Variants in PTPRQ observed in about 807,000 individuals in gnomAD.
The protein encoded by PTPRQ is protein tyrosine phosphatase receptor type Q.
PTPRQ carries 199 observed loss-of-function variants against 246.0 expected under a neutral mutation model. The ratio of observed to expected loss-of-function variants is 0.81; its 90% CI spans 0.72 to 0.91. The LOEUF (loss-of-function observed/expected upper bound fraction) is 0.91. Ranked by LOEUF, PTPRQ falls within the 40% of genes least tolerant of loss-of-function variation. The pLI is 0.00. For synonymous variants in PTPRQ, 869 were observed against 853.2 expected, an observed-to-expected ratio of 1.02 and a Z score of -0.32; for missense variants, 2,624 against 2,528.4, an observed-to-expected ratio of 1.04 and a Z score of -0.81.
chr12:80,514,076 G>A (rs1033709477), intron 17 of PTPRQ, among the ~76,000 whole-genome samples: 1 of 152,076 alleles, frequency 6.6e-6, no homozygotes, highest in Admixed American at 6.6e-5. Flanking sequence ...ATCTATTCAG[G>A]TGTTGTCACC....
At chr12:80,578,314 T>C (rs1447296454) in intron 25 of PTPRQ, among the ~76,000 whole-genome samples, 1 of 147,258 alleles carries the variant, frequency 6.8e-6, no homozygotes, top group Non-Finnish European at 1.5e-5. Flanking sequence ...AGTGAGAACA[T>C]GGGGTGTTTG....
At chr12:80,463,940 TA>T (rs1893302359) in intron 6 of PTPRQ, among the ~76,000 whole-genome samples, 1 of 151,556 alleles carries the variant, frequency 6.6e-6, no homozygotes. Flanking sequence ...CCATCGAGAC[TA>T]AGAAGAAACT....
chr12:80,680,099 T>C lies in PTPRQ; in HGVS notation c.*1076T>C, dbSNP rs1901266635. On this transcript the variant is annotated 3_prime_UTR_variant, in exon 45 of 45. Transcript: ENST00000644991. ...TTTCAGCCTCCATCTTATTAAATAG[T>C]GACAATGTGGTAAGTTTTGAATTAC... The C allele has an allele frequency of 6.6e-6, 1 of 151,840 alleles. No homozygotes were observed. The highest frequency in any genetic ancestry group is 2.4e-5 in the African/African-American group (1 of 41,398). The allele number at this position is 151,840 out of a possible 1,614,324, so 9.4% of individuals were successfully genotyped here.
In PTPRQ at chr12:80,445,690, T is replaced by G. The variant is rs1360980482; in HGVS notation, c.363T>G (p.Leu121=). 1 of 1,545,198 alleles carries G rather than the reference T, an allele frequency of 6.5e-7. No homozygotes were observed. Among genetic ancestry groups the G allele is most frequent in the African/African-American group, 1.4e-5 (1 of 72,828 alleles). Residue 121 remains leucine, a synonymous_variant, in exon 3 of 45, where the codon CTT becomes CTG. Transcript: ENST00000644991. ...GTCTGGAAGTTCTTCTTACTAATCT[T>G]AATCCTGGAACAACATATGAAATTA... The part of the protein sequence containing the change: ...PDSLEVLLTN[L]NPGTTYEIKV...
intron 25 of PTPRQ, among the ~76,000 whole-genome samples, chr12:80,568,871 C>T (rs1897055960): frequency 6.6e-6 from 1 of 152,150 alleles, no homozygotes; most frequent in African/African-American, 2.4e-5. Flanking sequence ...GATGAAAGAG[C>T]TAGAAGCAAA....
chr12:80,549,216 T>C (rs1026907091), intron 24 of PTPRQ, among the ~76,000 whole-genome samples: 2 of 152,106 alleles, frequency 1.3e-5, no homozygotes, highest in African/African-American at 2.4e-5. Context: ...ATGTGATTGG[T>C]GCTTCGAACT....
intron 17 of PTPRQ, among the ~76,000 whole-genome samples, chr12:80,516,335 G>A (rs1430195887): frequency 6.6e-6 from 1 of 152,128 alleles, no homozygotes; most frequent in Non-Finnish European, 1.5e-5. Flanking sequence ...AGGACTGAAA[G>A]TGATGCTGAA....
chr12:80,531,812 T>G (rs537898579), intron 17 of PTPRQ, among the ~76,000 whole-genome samples: 1 of 152,152 alleles, frequency 6.6e-6, no homozygotes, highest in Admixed American at 6.5e-5. Flanking sequence ...AGATGAGGCA[T>G]CTGAAAAAAA....
intron 35 of PTPRQ, among the ~76,000 whole-genome samples, chr12:80,640,424 C>A (rs1899813554): frequency 6.6e-6 from 1 of 152,130 alleles, no homozygotes; most frequent in Non-Finnish European, 1.5e-5. Flanking sequence ...GCTATCTTTG[C>A]AAACAATGGC....
chr12:80,493,296 C>T lies in PTPRQ; in HGVS notation c.1381C>T (p.Pro461Ser), dbSNP rs568303563. Residue 461 changes from proline (P) to serine (S), a missense_variant, in exon 10 of 45, where the codon CCA becomes TCA. Transcript: ENST00000644991. ...ACAGTATATAAATGACCCCATGGCTCCAGAAATTGTGAACATAGTAGAGCC... is the reference window on the plus strand; with the variant it reads ...ACAGTATATAAATGACCCCATGGCTTCAGAAATTGTGAACATAGTAGAGCC... ...NNEYINDPMA[P>S]EIVNIVEPMV... The T allele has an allele frequency of 2.7e-5, 41 of 1,538,196 alleles. 1 individual carries two copies. In the South Asian group the frequency reaches 4.8e-4, roughly 18 times the overall value.
chr12:80,608,843 G>A (rs1482066469), intron 27 of PTPRQ, among the ~76,000 whole-genome samples: 1 of 150,538 alleles, frequency 6.6e-6, no homozygotes, highest in Non-Finnish European at 1.5e-5. Flanking sequence ...GAGGTCAATA[G>A]TTACCCATCT....
chr12:80,539,891 T>A lies in PTPRQ; in HGVS notation c.3101T>A (p.Val1034Asp). ...TTTTGGTTAACAGCAAGTACTTCAG[T>A]TGGAAATGGGAATAAAAGCAGTGAC... ...YTFWLTASTSVGNGNKSSDII... is the reference protein window; with the variant it reads ...YTFWLTASTSDGNGNKSSDII... The change falls in exon 20 of 45, where the codon GTT becomes GAT. Residue 1034 changes from valine to aspartate, a missense_variant. Coordinates refer to ENST00000644991, the MANE Select transcript of PTPRQ (RefSeq NM_001145026.2). 1 of 1,549,120 alleles carries A rather than the reference T, an allele frequency of 6.5e-7. No homozygotes were observed. The highest frequency in any genetic ancestry group is 8.7e-7 in the Non-Finnish European group (1 of 1,145,670).
rs766512500 is a variant in PTPRQ, at chr12:80,648,916, T to A, written c.5935T>A (p.Ser1979Thr). Residue 1979 changes from serine to threonine, a missense_variant, in exon 36 of 45, where the codon TCC (serine) becomes ACC (threonine). By Grantham distance (58) the Ser-to-Thr change is moderately conservative. Coordinates refer to ENST00000644991, the MANE Select transcript of PTPRQ (RefSeq NM_001145026.2). Reference sequence around the variant, plus strand: ...TTGCAGGTTACTTAGTTATAGAAAATCCATCAAGTAAGTTTGTTAAATATT... The same window carrying A: ...TTGCAGGTTACTTAGTTATAGAAAAACCATCAAGTAAGTTTGTTAAATATT... ...RLTRLLSYRK[S>T]IKPISKKSFL... The A allele has an allele frequency of 2.0e-6, 3 of 1,522,676 alleles. No individual in the cohort carries two copies. In the South Asian group the frequency reaches 3.8e-5, roughly 19 times the overall value. 94.3% of individuals were successfully genotyped at this position (1,522,676 alleles called of 1,614,324 possible).
chr12:80,548,107 G>A (rs1457532616), intron 24 of PTPRQ, among the ~76,000 whole-genome samples: 2 of 151,968 alleles, frequency 1.3e-5, no homozygotes, highest in Non-Finnish European at 2.9e-5. Flanking sequence ...AAGAATCAGG[G>A]CTAATCTTGT....
rs1039608925 is a variant in PTPRQ, at chr12:80,523,833, C to T, written c.2679-10182C>T. On this transcript the variant is annotated intron_variant, in intron 17 of 44. Transcript: ENST00000644991. Reference sequence around the variant, plus strand: ...GTGTGGTGTTGTGCTGAAAAGAATGCATATTCTGTTGATTTGGGGTGGAGA... The same window carrying T: ...GTGTGGTGTTGTGCTGAAAAGAATGTATATTCTGTTGATTTGGGGTGGAGA... 1.1e-4 allele frequency among the ~76,000 whole-genome samples: 17 copies of T among 152,228 alleles called. No homozygotes were observed. The South Asian group carries it at 1.2e-3, about 11-fold the overall frequency.
intron 26 of PTPRQ, among the ~76,000 whole-genome samples, chr12:80,599,812 T>A (rs911917693): frequency 6.6e-6 from 1 of 151,126 alleles, no homozygotes; most frequent in African/African-American, 2.4e-5. Context: ...ATCAAACAGT[T>A]ACCTTTCATT....
In PTPRQ at chr12:80,493,498, C is replaced by T. The variant is rs377491194; in HGVS notation, c.1540+43C>T. The T allele has an allele frequency of 1.4e-4, 215 of 1,529,334 alleles. No homozygotes were observed. The African/African-American group carries it at 2.7e-3, about 19-fold the overall frequency. The allele number at this position is 1,529,334 out of a possible 1,614,324, so 94.7% of individuals were successfully genotyped here. On this transcript the variant is annotated intron_variant, in intron 10 of 44. Transcript: ENST00000644991. The stretch of plus-strand genomic sequence containing the variant: ...TTTCTATAAAGTTCATTTAAACCAC[C>T]AGTGCTAGCTAGCACAGAAATGAAC...
chr12:80,676,648 C>T (rs1153044), intron 43 of PTPRQ, among the ~76,000 whole-genome samples: 3,651 of 152,056 alleles, frequency 0.024, 129 homozygotes, highest in African/African-American at 0.08. Context: ...TTGCAAACAA[C>T]AACAACAACA....
intron 20 of PTPRQ, 88 bp downstream of exon 20, chr12:80,540,032 T>C: frequency 8.8e-7 from 1 of 1,138,706 alleles, no homozygotes; most frequent in Non-Finnish European, 1.2e-6. Context: ...GAATTTGTAA[T>C]AACATCTTTT....
Sources: allele counts gnomAD v4.1 joint callset (sites outside exome capture counted in the v4.1 genomes callset), GRCh38; gene constraint gnomAD v4.1.1; transcripts MANE v1.5; gene names NCBI Gene and HGNC (gene_info 2026-07-23, HGNC 2026-07-21).